SIK3: variants seen among roughly 807,000 people sequenced by gnomAD.
SIK3 encodes the protein SIK family kinase 3.
SIK3 carries 28 observed loss-of-function variants against 144.2 expected under a neutral mutation model. The ratio of observed to expected loss-of-function variants is 0.19; its 90% confidence interval spans 0.14 to 0.27. The LOEUF (loss-of-function observed/expected upper bound fraction) is 0.27, where lower values mean the gene tolerates loss of function less well. Ranked by LOEUF, SIK3 falls within the 10% of genes least tolerant of loss-of-function variation. SIK3 has a pLI of 1.00. For missense variants in SIK3, 1,319 were observed against 1,776.0 expected (o/e 0.74, Z 4.62); for synonymous variants, 686 against 676.3 (o/e 1.01, Z -0.22).
At chr11:116,888,723 T>C (rs1217235154) in intron 6 of SIK3, among the ~76,000 whole-genome samples, 2 of 152,236 alleles carry the variant, frequency 1.3e-5, no homozygotes, top group East Asian at 3.8e-4. Flanking sequence ...AAAACTTGTA[T>C]TGCTACTTAG....
chr11:116,882,356 G>A (rs1944593127), intron 6 of SIK3, among the ~76,000 whole-genome samples: 1 of 152,148 alleles, frequency 6.6e-6, no homozygotes, highest in Non-Finnish European at 1.5e-5. Context: ...TATGATGGAA[G>A]GCTTGAAACA....
chr11:117,008,938 A>T (rs767581029), intron 1 of SIK3, among the ~76,000 whole-genome samples: 24 of 152,192 alleles, frequency 1.6e-4, no homozygotes, highest in Non-Finnish European at 3.2e-4. Flanking sequence ...TGGTGATTTT[A>T]AGAAACTATG....
At chr11:116,887,806 C>T (rs896602914) in intron 6 of SIK3, among the ~76,000 whole-genome samples, 4 of 152,126 alleles carry the variant, frequency 2.6e-5, no homozygotes, top group Non-Finnish European at 2.9e-5. Context: ...GAGGAAGACA[C>T]ATACATAATT....
At position 117,012,323 on chromosome 11, in the gene SIK3, CA is replaced by C. The variant is rs1951297538; in HGVS notation, c.274-55260del. The stretch of plus-strand genomic sequence containing the variant: ...TTTTAATGTTTTCAATGATGCCAGG[CA>C]GCACCATTATATTGGAGCATAGAGG... On this transcript the variant is annotated intron_variant, in intron 1 of 24. Coordinates refer to ENST00000445177, the MANE Select transcript of SIK3 (RefSeq NM_001366686.3). Among the ~76,000 whole-genome samples, 3 of 152,078 alleles carry C rather than the reference CA, an allele frequency of 2.0e-5. No homozygotes were observed. In the South Asian group the frequency reaches 6.2e-4, roughly 31 times the overall value.
chr11:117,046,075 T>A (rs1006181836), intron 1 of SIK3, among the ~76,000 whole-genome samples: 3 of 152,230 alleles, frequency 2.0e-5, no homozygotes, highest in Non-Finnish European at 4.4e-5. Flanking sequence ...TGGTGGTAAG[T>A]GCAGTGGGCA....
At chr11:117,080,764 A>G (rs1266837998) in intron 1 of SIK3, among the ~76,000 whole-genome samples, 1 of 152,128 alleles carries the variant, frequency 6.6e-6, no homozygotes, top group African/African-American at 2.4e-5. Context: ...CCAAGCCAAC[A>G]TGGTGAAACC....
intron 1 of SIK3, among the ~76,000 whole-genome samples, chr11:117,056,934 A>G (rs1433877983): frequency 6.6e-6 from 1 of 152,244 alleles, no homozygotes. Flanking sequence ...ATAGCCATTT[A>G]AAAGAAACAG....
intron 1 of SIK3, among the ~76,000 whole-genome samples, chr11:117,066,645 C>T (rs79955870): frequency 0.072 from 10,924 of 151,982 alleles, 471 homozygotes; most frequent in Middle Eastern, 0.11. Flanking sequence ...AAGTGATCCC[C>T]CCACCTTAAA....
At chr11:116,923,996 T>G (rs1341497023) in intron 4 of SIK3, among the ~76,000 whole-genome samples, 1 of 152,182 alleles carries the variant, frequency 6.6e-6, no homozygotes, top group African/African-American at 2.4e-5. Flanking sequence ...AAAATTTCCT[T>G]AACAGCCGGG....
intron 1 of SIK3, among the ~76,000 whole-genome samples, chr11:116,980,279 G>C (rs2135508847): frequency 6.6e-6 from 1 of 152,286 alleles, no homozygotes; most frequent in Non-Finnish European, 1.5e-5. Flanking sequence ...GTCCAAGGGA[G>C]GGAACACAGG....
intron 1 of SIK3, among the ~76,000 whole-genome samples, chr11:116,970,265 G>C (rs889715640): frequency 6.6e-6 from 1 of 152,196 alleles, no homozygotes. Flanking sequence ...GTGACAGAGT[G>C]AGACCCTGAC....
intron 1 of SIK3, among the ~76,000 whole-genome samples, chr11:117,001,855 C>A (rs571458235): frequency 6.6e-6 from 1 of 152,358 alleles, no homozygotes. Context: ...CCACCTTCTA[C>A]ATTGTCACAT....
chr11:117,061,068 T>G (rs1953769603), intron 1 of SIK3, among the ~76,000 whole-genome samples: 2 of 152,006 alleles, frequency 1.3e-5, no homozygotes, highest in African/African-American at 4.8e-5. Flanking sequence ...GCTAACACAG[T>G]AAGACCTCGT....
chr11:116,924,591 C>G (rs1947172993), intron 4 of SIK3, among the ~76,000 whole-genome samples: 1 of 152,176 alleles, frequency 6.6e-6, no homozygotes, highest in Non-Finnish European at 1.5e-5. Context: ...GTGTTCCACA[C>G]ACTCCCACTG....
At chr11:116,886,695 T>C (rs948488519) in intron 6 of SIK3, among the ~76,000 whole-genome samples, 6 of 152,232 alleles carry the variant, frequency 3.9e-5, no homozygotes, top group Non-Finnish European at 5.9e-5. Flanking sequence ...TCTTAGTATG[T>C]CTGCTAGCAG....
intron 4 of SIK3, among the ~76,000 whole-genome samples, chr11:116,917,653 G>A (rs1946718895): frequency 6.6e-6 from 1 of 151,942 alleles, no homozygotes; most frequent in Non-Finnish European, 1.5e-5. Context: ...AGGTTACAGT[G>A]AGCTATGACT....
At chr11:116,901,569 G>C (rs1945742040) in intron 4 of SIK3, among the ~76,000 whole-genome samples, 1 of 152,016 alleles carries the variant, frequency 6.6e-6, no homozygotes. Flanking sequence ...AGTCCTCCTG[G>C]ATCCCCTACA....
chr11:117,053,896 C>T (rs1464221095), intron 1 of SIK3, among the ~76,000 whole-genome samples: 1 of 152,024 alleles, frequency 6.6e-6, no homozygotes, highest in East Asian at 1.9e-4. Context: ...ATCCTCCCTA[C>T]TTGGCCTTCC....
At chr11:117,047,012 T>A (rs1187323527) in intron 1 of SIK3, among the ~76,000 whole-genome samples, 5 of 152,224 alleles carry the variant, frequency 3.3e-5, no homozygotes, top group Non-Finnish European at 7.3e-5. Flanking sequence ...TATAAAATGC[T>A]ATGCCATTTA....
Sources: gnomAD v4.1 joint callset for allele counts (sites outside exome capture counted in the v4.1 genomes callset) on GRCh38, gnomAD v4.1.1 for gene constraint, MANE v1.5 for transcripts, NCBI Gene and HGNC (gene_info 2026-07-23, HGNC 2026-07-21) for gene names.